Variants in ANKRD30B observed in about 807,000 individuals in gnomAD.
ANKRD30B encodes ankyrin repeat domain-containing protein 30B.
ANKRD30B carries 144 observed loss-of-function variants against 202.2 expected under a neutral mutation model. That is an observed-to-expected ratio of 0.71 (90% CI 0.62 to 0.82). ANKRD30B has a LOEUF of 0.82. Among genes scored for constraint, ANKRD30B ranks in the 40% least tolerant of loss-of-function variants. The pLI is 0.00. For missense variants in ANKRD30B, 1,487 were observed against 1,669.1 expected (o/e 0.89, Z 1.90); for synonymous variants, 508 against 561.3 (o/e 0.91, Z 1.34).
In ANKRD30B at chr18:14,848,767, G is replaced by A; in HGVS notation, c.3233G>A (p.Gly1078Glu). The part of the protein sequence containing the change: ...ILDALPSCER[G>E]RELKKDNCEQ... Reference sequence around the variant, plus strand: ...GATGCACTTCCTTCTTGTGAAAGAGGAAGGGAACTTAAAAAAGATAACTGT... The same window carrying A: ...GATGCACTTCCTTCTTGTGAAAGAGAAAGGGAACTTAAAAAAGATAACTGT... The change falls in exon 40 of 44, where the codon GGA (glycine) becomes GAA (glutamate). Residue 1078 changes from glycine (G) to glutamate (E), a missense_variant. By Grantham distance (98) the Gly-to-Glu change is moderately conservative. Transcript: ENST00000690538. 6.4e-7 allele frequency: 1 copy of A among 1,572,262 alleles called. No individual in the cohort carries two copies. The highest frequency in any genetic ancestry group is 8.6e-7 in the Non-Finnish European group (1 of 1,157,504).
At chr18:14,884,021 C>T in the ANKRD30B span, 1 of 126,896 alleles carries the variant, frequency 7.9e-6, no homozygotes, top group South Asian at 3.3e-4. Context: ...GATTAGGCAG[C>T]CTGTAAAATG....
intron 33 of ANKRD30B, among the ~76,000 whole-genome samples, chr18:14,829,290 C>T (rs1241745151): frequency 2.0e-5 from 3 of 152,206 alleles, no homozygotes; most frequent in East Asian, 3.9e-4. Flanking sequence ...CATGGAGAAT[C>T]TGAAACTCAA....
At chr18:14,836,932 A>G (rs1468955296) in intron 34 of ANKRD30B, among the ~76,000 whole-genome samples, 1 of 151,946 alleles carries the variant, frequency 6.6e-6, no homozygotes, top group African/African-American at 2.4e-5. Context: ...GCCCTTATGT[A>G]TTTTATTGAC....
the ANKRD30B span, among the ~76,000 whole-genome samples, chr18:14,919,910 A>G: frequency 0.014 from 2,066 of 152,310 alleles, 46 homozygotes; most frequent in African/African-American, 0.046. Context: ...CTTGCAGGTC[A>G]AAGTCCAGGC....
At chr18:14,895,437 C>A in the ANKRD30B span, among the ~76,000 whole-genome samples, 1 of 152,318 alleles carries the variant, frequency 6.6e-6, no homozygotes, top group South Asian at 2.1e-4. Context: ...AGTGGGAATG[C>A]AAAATGGTGC....
At chr18:14,792,408 G>A (rs142863414) in intron 16 of ANKRD30B, among the ~76,000 whole-genome samples, 184 of 152,110 alleles carry the variant, frequency 1.2e-3, no homozygotes, top group East Asian at 0.011. Flanking sequence ...AATTGTAGAC[G>A]GAAGATACTA....
intron 7 of ANKRD30B, among the ~76,000 whole-genome samples, chr18:14,766,198 G>T (rs926819939): frequency 1.6e-4 from 25 of 151,806 alleles, no homozygotes; most frequent in Non-Finnish European, 1.0e-4. Flanking sequence ...GTCAGGTCAG[G>T]GCTGGGCATG....
chr18:14,929,502 T>C, the ANKRD30B span, among the ~76,000 whole-genome samples: 2 of 152,154 alleles, frequency 1.3e-5, no homozygotes, highest in Non-Finnish European at 2.9e-5. Flanking sequence ...TGCTCTTTTT[T>C]GAAAAAATAA....
chr18:14,867,206 T>C, the ANKRD30B span, among the ~76,000 whole-genome samples: 1 of 150,000 alleles, frequency 6.7e-6, no homozygotes, highest in African/African-American at 2.5e-5. Flanking sequence ...TTGTGGACAC[T>C]ATCGAGTGTC....
At chr18:14,877,152 G>A in the ANKRD30B span, among the ~76,000 whole-genome samples, 5 of 152,204 alleles carry the variant, frequency 3.3e-5, no homozygotes, top group African/African-American at 9.7e-5. Flanking sequence ...GTTTAGTCTG[G>A]GGCCTACTGG....
At chr18:14,885,847 G>A in the ANKRD30B span, among the ~76,000 whole-genome samples, 1 of 151,772 alleles carries the variant, frequency 6.6e-6, no homozygotes, top group African/African-American at 2.4e-5. Context: ...TGCTTTGAAA[G>A]TATCTTCTGT....
intron 16 of ANKRD30B, among the ~76,000 whole-genome samples, chr18:14,794,965 T>A: frequency 6.6e-6 from 1 of 152,332 alleles, no homozygotes; most frequent in South Asian, 2.1e-4. Flanking sequence ...GAAATGTCTG[T>A]TTTTTCTTGA....
Position 14,831,439 on chromosome 18 carries a change from T to G in ANKRD30B, c.2831T>G (p.Phe944Cys), listed in dbSNP as rs1198573771. The part of the protein sequence containing the change: ...NSQSTKVEED[F>C]NLTTKEGATK... ...CAGTCTACAAAAGTTGAGGAAGACT[T>G]TAATCTTACTACCAAGGTAAAATAG... Residue 944 changes from phenylalanine (F) to cysteine (C), a missense_variant, in exon 34 of 44, where the codon TTT becomes TGT. Phe to Cys is a radical substitution (Grantham distance 205). This residue lies in a region of ANKRD30B where 218 missense variants were observed against 320.1 expected (regional missense o/e 0.68). Coordinates refer to ENST00000690538, the MANE Select transcript of ANKRD30B (RefSeq NM_001367607.2). The G allele has an allele frequency of 6.5e-7, 1 of 1,531,550 alleles. No homozygotes were observed. The highest frequency in any genetic ancestry group is 2.5e-5 in the East Asian group (1 of 40,680). The allele number at this position is 1,531,550 out of a possible 1,614,324, so 94.9% of individuals were successfully genotyped here. A position where few individuals can be genotyped will look rare whatever the true frequency, so the allele number is the denominator to read the frequency against.
intron 5 of ANKRD30B, 59 bp downstream of exon 5, chr18:14,758,011 GA>G: frequency 6.6e-7 from 1 of 1,509,580 alleles, no homozygotes; most frequent in Non-Finnish European, 8.9e-7. Context: ...GGGAGTTTTT[GA>G]AAGACAGTGA....
intron 20 of ANKRD30B, among the ~76,000 whole-genome samples, chr18:14,798,649 C>G (rs981979537): frequency 6.6e-6 from 1 of 152,100 alleles, no homozygotes; most frequent in Non-Finnish European, 1.5e-5. Context: ...AGGCACCCCC[C>G]TCCGTGCGTC....
At chr18:14,890,819 C>G in the ANKRD30B span, among the ~76,000 whole-genome samples, 1 of 150,812 alleles carries the variant, frequency 6.6e-6, no homozygotes, top group African/African-American at 2.4e-5. Flanking sequence ...CCATTTAAAA[C>G]AAAATTATGA....
chr18:14,875,691 T>C, the ANKRD30B span, among the ~76,000 whole-genome samples: 1 of 152,226 alleles, frequency 6.6e-6, no homozygotes, highest in Non-Finnish European at 1.5e-5. Context: ...TGGTGCACAA[T>C]TTCAGTATGA....
Position 14,752,604 on chromosome 18 carries a change from A to T in ANKRD30B, c.260A>T (p.Glu87Val). The stretch of plus-strand genomic sequence containing the variant: ...TGGGCCTGTGTCAATGGCCATGCAG[A>T]AGTAGTAACATTTCTGGTAGACAGA... ...LHWACVNGHA[E>V]VVTFLVDRKC... The change falls in exon 2 of 44, where the codon GAA becomes GTA. Residue 87 changes from glutamate to valine, a missense_variant. By Grantham distance (121) the Glu-to-Val change is moderately radical. Around this residue, in one of 6 missense-constraint regions of ANKRD30B, gnomAD observed 889 missense variants for 841.4 expected, o/e 1.06. Transcript: ENST00000690538. 6.2e-7 allele frequency: 1 copy of T among 1,612,562 alleles called. No individual in the cohort carries two copies. The highest frequency in any genetic ancestry group is 2.2e-5 in the East Asian group (1 of 44,870).
At chr18:14,766,835 C>T (rs898180081) in intron 7 of ANKRD30B, among the ~76,000 whole-genome samples, 1 of 152,138 alleles carries the variant, frequency 6.6e-6, no homozygotes, top group African/African-American at 2.4e-5. Context: ...GGAGATTGAG[C>T]AGTGGCTAAT....
Sources: gnomAD v4.1 joint callset for allele counts (sites outside exome capture counted in the v4.1 genomes callset) on GRCh38, gnomAD v4.1.1 for gene constraint, gnomAD v4.1.1 regional missense constraint, MANE v1.5 for transcripts, NCBI Gene and HGNC (gene_info 2026-07-23, HGNC 2026-07-21) for gene names.